The following GABRR1 variants were observed in gnomAD, a reference collection of about 807,000 sequenced individuals.
GABRR1 encodes the protein gamma-aminobutyric acid type A receptor subunit rho1, also known as gamma-aminobutyric acid receptor subunit rho-1.
In GABRR1, 59 loss-of-function variants were observed where a neutral mutation model predicts 55.5. The ratio of observed to expected loss-of-function variants is 1.06; its 90% CI spans 0.86 to 1.32. GABRR1 has a LOEUF of 1.32. Among genes scored for constraint, GABRR1 ranks in the 40% most tolerant of loss-of-function variants. The pLI is 0.00. For synonymous variants in GABRR1, 213 were observed against 226.0 expected (o/e 0.94, Z 0.51); for missense variants, 602 against 619.1 (o/e 0.97, Z 0.29).
At chr6:89,217,815 G>A (rs1773035741), upstream of GABRR1, 1 of 153,014 alleles carries the variant, frequency 6.5e-6, no homozygotes, top group Non-Finnish European at 1.5e-5. Context: ...ACAGCTTCCT[G>A]CCCCCACTTC....
At position 89,178,790 on chromosome 6, in the gene GABRR1, A is replaced by G. The variant is rs1771617368; in HGVS notation, c.1420T>C (p.Tyr474His). ...PAAYILFNLI[Y>H]WSIFS ...AGCATCTAGGAGAAAATAGACCAGTATATTAAATTGAATAAAATGTATGCT... is the reference window on the plus strand; with the variant it reads ...AGCATCTAGGAGAAAATAGACCAGTGTATTAAATTGAATAAAATGTATGCT... The change falls in exon 10 of 10, where the codon TAC (tyrosine) becomes CAC (histidine). Residue 474 changes from tyrosine to histidine, a missense_variant. By Grantham distance (83) the Tyr-to-His change is moderately conservative. Around this residue, in one of 3 missense-constraint regions of GABRR1, gnomAD observed 139 missense variants for 141.1 expected, o/e 0.99. Coordinates refer to ENST00000454853, the MANE Select transcript of GABRR1 (RefSeq NM_002042.5). 2 of 1,613,432 alleles carry G rather than the reference A, an allele frequency of 1.2e-6. No homozygotes were observed. The highest frequency in any genetic ancestry group is 1.7e-6 in the Non-Finnish European group (2 of 1,179,332).
At chr6:89,186,352 T>A (rs1323070063) in intron 6 of GABRR1, among the ~76,000 whole-genome samples, 4 of 152,224 alleles carry the variant, frequency 2.6e-5, no homozygotes, top group African/African-American at 9.6e-5. Flanking sequence ...TCCTGGATAA[T>A]CTGGGTGGGC....
chr6:89,184,589 C>A (rs77060628), intron 7 of GABRR1, among the ~76,000 whole-genome samples: 2 of 152,252 alleles, frequency 1.3e-5, no homozygotes, highest in South Asian at 2.1e-4. Flanking sequence ...AGCGACCCCA[C>A]GGGGCTGGCT....
intron 5 of GABRR1, among the ~76,000 whole-genome samples, chr6:89,192,098 C>T (rs914027199): frequency 8.6e-5 from 13 of 152,034 alleles, no homozygotes; most frequent in African/African-American, 3.1e-4. Context: ...TGCCTATCTC[C>T]GATCTCTTCC....
chr6:89,230,820 AC>A (rs1159790184), intron 1 of GABRR1, among the ~76,000 whole-genome samples: 1 of 150,746 alleles, frequency 6.6e-6, no homozygotes, highest in East Asian at 1.9e-4. Flanking sequence ...TGCTTTGTTT[AC>A]CTAAGCAAGC....
At chr6:89,222,121 G>A (rs1304238309), upstream of GABRR1, among the ~76,000 whole-genome samples, 1 of 152,168 alleles carries the variant, frequency 6.6e-6, no homozygotes. Flanking sequence ...AGTGACATAG[G>A]AGCTGCACTC....
At position 89,178,092 on chromosome 6, in the gene GABRR1, T is replaced by C. The variant is rs1018756529; in HGVS notation, c.*678A>G. ...TGACACAACAGACAAAATGCATGTG[T>C]GTACTCTTATCTTCAAAGTTTCCCT... On this transcript the variant is annotated 3_prime_UTR_variant, in exon 10 of 10. Transcript: ENST00000454853. 5 of 152,518 alleles carry C rather than the reference T, an allele frequency of 3.3e-5. No individual in the cohort carries two copies. The highest frequency in any genetic ancestry group is 1.2e-4 in the African/African-American group (5 of 41,420). The allele number at this position is 152,518 out of a possible 1,614,324, so 9.4% of individuals were successfully genotyped here.
At chr6:89,196,826 A>AGAAAGAAAGAAAGAAG (rs1772296004) in intron 5 of GABRR1, among the ~76,000 whole-genome samples, 1 of 65,740 alleles carries the variant, frequency 1.5e-5, no homozygotes, top group African/African-American at 5.7e-5. Flanking sequence ...AAAGAAGGAA[A>AGAAAGAAAGAAAGAAG]GAAAGAAAGA....
Position 89,180,402 on chromosome 6 carries a change from T to C in GABRR1, c.1036A>G (p.Ile346Val). The C allele has an allele frequency of 1.9e-6, 3 of 1,613,876 alleles. No individual in the cohort carries two copies. The South Asian group carries it at 3.3e-5, about 18-fold the overall frequency. Residue 346 changes from isoleucine to valine, a missense_variant, in exon 9 of 10, where the codon ATC becomes GTC. Transcript: ENST00000454853. The stretch of plus-strand genomic sequence containing the variant: ...AACACAAAGCTGACCCAGAGGTAGA[T>C]GTCCACGGCCTTGATGTAGGAGACG... ...PRVSYIKAVD[I>V]YLWVSFVFVF... is the part of the protein sequence containing the mutation.
rs548277157 is a variant in GABRR1, at chr6:89,183,610, G to A, written c.797-1553C>T. Among the ~76,000 whole-genome samples, 11 of 151,792 alleles carry A rather than the reference G, an allele frequency of 7.2e-5. No homozygotes were observed. In the East Asian group the frequency reaches 1.7e-3, roughly 24 times the overall value. On this transcript the variant is annotated intron_variant, in intron 7 of 9. Transcript: ENST00000454853. ...TTGCAAAGATATGAAATCAACCTAA[G>A]TGCCCATCAACAGATGAATGGATAT...
chr6:89,199,345 G>A lies in GABRR1; in HGVS notation c.348+17C>T, dbSNP rs766170340. The A allele has an allele frequency of 3.7e-6, 6 of 1,612,136 alleles. No individual in the cohort carries two copies. The South Asian group carries it at 6.6e-5, about 18-fold the overall frequency. On this transcript the variant is annotated intron_variant, in intron 4 of 9. Coordinates refer to ENST00000454853, the MANE Select transcript of GABRR1 (RefSeq NM_002042.5). ...TGTGAATCCCCCTGCCACGGCCCTGGTCAGAGAAGCACTTACCATGTCAAC... is the reference window on the plus strand; with the variant it reads ...TGTGAATCCCCCTGCCACGGCCCTGATCAGAGAAGCACTTACCATGTCAAC...
chr6:89,208,042 G>A (rs1490510710), intron 1 of GABRR1, among the ~76,000 whole-genome samples: 1 of 152,242 alleles, frequency 6.6e-6, no homozygotes, highest in African/African-American at 2.4e-5. Context: ...CCAGAAGGCG[G>A]CAGCCTCCCT....
intron 1 of GABRR1, among the ~76,000 whole-genome samples, chr6:89,206,301 C>T (rs922294149): frequency 6.6e-6 from 1 of 152,152 alleles, no homozygotes; most frequent in Non-Finnish European, 1.5e-5. Context: ...GCATATAAGG[C>T]CCATAATAAG....
chr6:89,179,881 G>A (rs1259018447), intron 9 of GABRR1, among the ~76,000 whole-genome samples: 1 of 152,028 alleles, frequency 6.6e-6, no homozygotes, highest in Admixed American at 6.5e-5. Flanking sequence ...TACATATGAA[G>A]GAAGATTTCC....
At chr6:89,190,715 T>C (rs1044611949) in intron 5 of GABRR1, among the ~76,000 whole-genome samples, 2 of 152,246 alleles carry the variant, frequency 1.3e-5, no homozygotes, top group African/African-American at 2.4e-5. Flanking sequence ...ACTTTTTCTT[T>C]AACGATGTTG....
intron 2 of GABRR1, among the ~76,000 whole-genome samples, 192 bp from the exon 3 acceptor site, chr6:89,201,457 C>T (rs184304453): frequency 3.3e-5 from 5 of 152,296 alleles, no homozygotes; most frequent in Admixed American, 3.3e-4. Context: ...AAGACATTGG[C>T]TTTGACCATG....
intron 7 of GABRR1, among the ~76,000 whole-genome samples, chr6:89,182,646 G>A (rs371066602): frequency 5.9e-5 from 9 of 152,104 alleles, no homozygotes; most frequent in Non-Finnish European, 8.8e-5. Flanking sequence ...CAACCTCACC[G>A]TCACCTGGGA....
intron 7 of GABRR1, among the ~76,000 whole-genome samples, chr6:89,182,366 A>G (rs1396530861): frequency 6.6e-6 from 1 of 152,098 alleles, no homozygotes; most frequent in Non-Finnish European, 1.5e-5. Context: ...CAGTGGTGCA[A>G]TCTTGGCTCA....
chr6:89,179,934 C>A (rs949841785), intron 9 of GABRR1, among the ~76,000 whole-genome samples: 65 of 152,196 alleles, frequency 4.3e-4, no homozygotes, highest in Non-Finnish European at 1.0e-4. Flanking sequence ...TTTTATTACA[C>A]CCTTATGTTC....
Sources: allele counts gnomAD v4.1 joint callset (sites outside exome capture counted in the v4.1 genomes callset), GRCh38; gene constraint gnomAD v4.1.1; regional missense constraint gnomAD v4.1.1; transcripts MANE v1.5; gene names NCBI Gene and HGNC (gene_info 2026-07-23, HGNC 2026-07-21).